ARRB1: variants seen among roughly 807,000 people sequenced by gnomAD.
ARRB1 encodes the protein beta-arrestin-1.
In ARRB1, 21 loss-of-function variants were observed where a neutral mutation model predicts 56.8. The observed-to-expected ratio is 0.37, with a 90% CI of 0.26 to 0.53. The LOEUF is 0.53. Among genes scored for constraint, ARRB1 ranks in the 20% least tolerant of loss-of-function variants. The probability of loss-of-function intolerance (pLI) is 0.88; values close to 1 mark genes in which losing one functional copy is unlikely to be tolerated. For synonymous variants in ARRB1, 210 were observed against 218.6 expected (o/e 0.96, Z 0.35); for missense variants, 424 against 553.7 (o/e 0.77, Z 2.35).
At position 75,318,562 on chromosome 11, in the gene ARRB1, C is replaced by T. The variant is rs562623034; in HGVS notation, c.21-28523G>A. Among the ~76,000 whole-genome samples the T allele has an allele frequency of 1.5e-3, 221 of 152,226 alleles. 1 individual carries two copies. The highest frequency in any genetic ancestry group is 5.2e-3 in the African/African-American group (216 of 41,534). ...AAAATTAGCTGGGCATGGTGGCATG[C>T]ACCTTTAATCCCAGCTACTCAGGAG... On this transcript the variant is annotated intron_variant, in intron 1 of 15. Transcript: ENST00000420843.
In ARRB1 at chr11:75,348,347, A is replaced by G. The variant is rs1240696365; in HGVS notation, c.20+3241T>C. Among the ~76,000 whole-genome samples the G allele has an allele frequency of 2.0e-5, 3 of 152,140 alleles. No individual in the cohort carries two copies. The East Asian group carries it at 5.8e-4, about 29-fold the overall frequency. ...CCTTTCCAGGAGAGCTTCCTGTACC[A>G]TGCTCCCTGCCTGGGCCTGGGTTGG... is the stretch of plus-strand genomic sequence containing the variant. On this transcript the variant is annotated intron_variant, in intron 1 of 15. Transcript: ENST00000420843.
intron 2 of ARRB1, 84 bp from the exon 3 acceptor site, chr11:75,287,459 G>T: frequency 7.1e-7 from 1 of 1,417,550 alleles, no homozygotes; most frequent in African/African-American, 1.4e-5. Context: ...CCTGCGGGCA[G>T]CCTCTGAAAC....
intron 13 of ARRB1, chr11:75,269,318 G>A (rs1214462438): frequency 4.5e-5 from 19 of 422,374 alleles, no homozygotes; most frequent in East Asian, 6.0e-5. Context: ...ACCTCAAATC[G>A]CCACAGCCAC....
intron 8 of ARRB1, among the ~76,000 whole-genome samples, chr11:75,277,656 G>A (rs1324404866): frequency 4.6e-5 from 7 of 151,958 alleles, no homozygotes; most frequent in Non-Finnish European, 5.9e-5. Flanking sequence ...AGGCTTCTCC[G>A]AATCCCCCAA....
intron 1 of ARRB1, among the ~76,000 whole-genome samples, chr11:75,298,565 A>C (rs887355874): frequency 2.4e-4 from 37 of 152,222 alleles, no homozygotes; most frequent in African/African-American, 8.2e-4. Flanking sequence ...GAGAAACTGG[A>C]AACTTCATAC....
intron 1 of ARRB1, among the ~76,000 whole-genome samples, chr11:75,325,077 G>T (rs1466825026): frequency 1.3e-5 from 2 of 152,160 alleles, no homozygotes; most frequent in African/African-American, 4.8e-5. Context: ...TGGTTGTCAG[G>T]GTTGGAGAAA....
chr11:75,311,442 G>A (rs1346259441), intron 1 of ARRB1, among the ~76,000 whole-genome samples: 1 of 152,244 alleles, frequency 6.6e-6, no homozygotes, highest in Non-Finnish European at 1.5e-5. Context: ...AAGTTGCAGA[G>A]AGCAGGTGAC....
At chr11:75,271,408 T>C (rs1416458904) in intron 13 of ARRB1, 2 of 318,022 alleles carry the variant, frequency 6.3e-6, no homozygotes, top group East Asian at 1.0e-4. Context: ...CTCCAAAAGC[T>C]CCTATAATTC....
intron 12 of ARRB1, among the ~76,000 whole-genome samples, chr11:75,272,327 C>A (rs1713171551): frequency 3.3e-5 from 5 of 152,206 alleles, no homozygotes; most frequent in Admixed American, 3.3e-4. Context: ...CCAAACTATG[C>A]TCCAGGGCAG....
chr11:75,270,509 T>C (rs1946053653), intron 13 of ARRB1, among the ~76,000 whole-genome samples: 1 of 151,856 alleles, frequency 6.6e-6, no homozygotes. Context: ...GTGCCTATAA[T>C]CCCAGCTACT....
intron 8 of ARRB1, 52 bp downstream of exon 8, chr11:75,278,557 C>T (rs1271286521): frequency 2.5e-6 from 4 of 1,611,360 alleles, no homozygotes; most frequent in Non-Finnish European, 3.4e-6. Flanking sequence ...GGATCTGAGG[C>T]CCAGGCCCTG....
chr11:75,280,943 C>A (rs1946319542), intron 7 of ARRB1, 132 bp downstream of exon 7: 14 of 1,085,070 alleles, frequency 1.3e-5, no homozygotes, highest in Non-Finnish European at 1.7e-5. Context: ...TTCCAGAGTG[C>A]CCTTCCAAGG....
At chr11:75,343,699 G>A (rs1440539124) in intron 1 of ARRB1, among the ~76,000 whole-genome samples, 2 of 152,138 alleles carry the variant, frequency 1.3e-5, no homozygotes, top group Non-Finnish European at 2.9e-5. Flanking sequence ...TAACCGCTAT[G>A]CTAATCTGCT....
intron 1 of ARRB1, 62 bp from the exon 2 acceptor site, chr11:75,290,101 C>A: frequency 6.2e-7 from 1 of 1,607,122 alleles, no homozygotes; most frequent in East Asian, 2.2e-5. Context: ...CAAGCTCCTG[C>A]GGGCCACCTT....
At position 75,304,123 on chromosome 11, in the gene ARRB1, C is replaced by T. The variant is rs540528382; in HGVS notation, c.21-14084G>A. On this transcript the variant is annotated intron_variant, in intron 1 of 15. Coordinates refer to ENST00000420843, the MANE Select transcript of ARRB1 (RefSeq NM_004041.5). ...ACAAGACAGGCCATTATTTTCCCAGCGGAAAGATTTTATTTAAAGGGGGTT... is the reference window on the plus strand; with the variant it reads ...ACAAGACAGGCCATTATTTTCCCAGTGGAAAGATTTTATTTAAAGGGGGTT... Among the ~76,000 whole-genome samples the T allele has an allele frequency of 8.5e-5, 13 of 152,048 alleles. No individual in the cohort carries two copies. In the South Asian group the frequency reaches 1.2e-3, roughly 15 times the overall value.
chr11:75,305,353 C>T (rs1037690377), intron 1 of ARRB1, among the ~76,000 whole-genome samples: 2 of 151,980 alleles, frequency 1.3e-5, no homozygotes, highest in African/African-American at 4.8e-5. Context: ...CCCAGGAATG[C>T]ATTTTCAAAA....
intron 1 of ARRB1, among the ~76,000 whole-genome samples, chr11:75,342,869 A>T (rs1272296090): frequency 6.6e-6 from 1 of 152,192 alleles, no homozygotes; most frequent in Non-Finnish European, 1.5e-5. Flanking sequence ...GTCAGAAAAT[A>T]CAGTCTTCAA....
At chr11:75,283,508 G>A (rs1301192281) in intron 4 of ARRB1, 25 bp from the exon 5 acceptor site, 3 of 1,579,034 alleles carry the variant, frequency 1.9e-6, no homozygotes, top group Non-Finnish European at 2.6e-6. Flanking sequence ...GAGCACTGAG[G>A]AGGGGCCTGG....
chr11:75,271,228 A>C (rs1012183423), intron 13 of ARRB1: 2 of 153,572 alleles, frequency 1.3e-5, no homozygotes, highest in African/African-American at 4.8e-5. Context: ...AAGGAGGCCA[A>C]ACTGCTGTGT....
Sources: allele counts gnomAD v4.1 joint callset (sites outside exome capture counted in the v4.1 genomes callset), GRCh38; gene constraint gnomAD v4.1.1; transcripts MANE v1.5; gene names NCBI Gene and HGNC (gene_info 2026-07-23, HGNC 2026-07-21).